The following STK3 variants were observed in gnomAD, a reference collection of about 807,000 sequenced individuals.
STK3 encodes the protein serine/threonine kinase 3.
Under a neutral mutation model 58.0 loss-of-function variants are expected in STK3, and 41 were observed. That is an observed-to-expected ratio of 0.71 (90% CI 0.55 to 0.92). STK3 has a LOEUF of 0.92. STK3 is among the 40% of genes least tolerant of loss of function. STK3 has a pLI of 0.00. For synonymous variants in STK3, 170 were observed against 191.0 expected (o/e 0.89, Z 0.91); for missense variants, 479 against 602.7 (o/e 0.79, Z 2.15).
At chr8:98,549,712 G>C (rs1380751890) in intron 8 of STK3, among the ~76,000 whole-genome samples, 1 of 151,568 alleles carries the variant, frequency 6.6e-6, no homozygotes, top group African/African-American at 2.4e-5. Flanking sequence ...AGATATACTG[G>C]AATAGGGTCA....
rs554266782 is a variant in STK3 at position 98,580,912 on chromosome 8, G to T, written c.823-1123C>A. Among the ~76,000 whole-genome samples the T allele has an allele frequency of 1.2e-4, 19 of 152,278 alleles. No homozygotes were observed. In the South Asian group the frequency reaches 3.3e-3, roughly 27 times the overall value. On this transcript the variant is annotated intron_variant, in intron 7 of 10. Coordinates refer to ENST00000419617, the MANE Select transcript of STK3 (RefSeq NM_006281.4). ...TATCATTTGGGACAACTATAAGAAAGAACTTTTTCAGAGTACAGAAATACT... is the reference window on the plus strand; with the variant it reads ...TATCATTTGGGACAACTATAAGAAATAACTTTTTCAGAGTACAGAAATACT...
intron 3 of STK3, among the ~76,000 whole-genome samples, chr8:98,831,901 C>G (rs1835544856): frequency 6.6e-6 from 1 of 152,196 alleles, no homozygotes; most frequent in Non-Finnish European, 1.5e-5. Context: ...AGGACAGTAT[C>G]TTCTTCCTAT....
At chr8:98,457,897 C>G (rs2131146744) in intron 10 of STK3, among the ~76,000 whole-genome samples, 1 of 152,212 alleles carries the variant, frequency 6.6e-6, no homozygotes, top group East Asian at 1.9e-4. Context: ...AGACTGAACT[C>G]AGAAAAAGAA....
At chr8:98,791,259 A>T (rs1271690418) in intron 1 of STK3, among the ~76,000 whole-genome samples, 1 of 152,220 alleles carries the variant, frequency 6.6e-6, no homozygotes, top group African/African-American at 2.4e-5. Context: ...AATACACCTA[A>T]CCAAGGAGGT....
At chr8:98,693,911 T>C (rs1307694224) in intron 6 of STK3, among the ~76,000 whole-genome samples, 1 of 152,214 alleles carries the variant, frequency 6.6e-6, no homozygotes, top group Non-Finnish European at 1.5e-5. Flanking sequence ...TTGGGTTTTT[T>C]TAAATATTAA....
At chr8:98,433,812 T>G (rs1818390208) in intron 3 of STK3, among the ~76,000 whole-genome samples, 1 of 152,236 alleles carries the variant, frequency 6.6e-6, no homozygotes, top group Admixed American at 6.5e-5. Flanking sequence ...GCAGGGACAA[T>G]GCAATCAGGA....
intron 6 of STK3, among the ~76,000 whole-genome samples, chr8:98,695,823 G>C (rs571838604): frequency 2.1e-4 from 32 of 152,216 alleles, no homozygotes; most frequent in Admixed American, 8.5e-4. Flanking sequence ...GTTCTTTTGG[G>C]TTAGGATTGA....
At chr8:98,451,033 T>C (rs1435922138), downstream of STK3, among the ~76,000 whole-genome samples, 30 of 152,170 alleles carry the variant, frequency 2.0e-4, no homozygotes, top group Admixed American at 2.0e-3. Context: ...CCTCCCTTTC[T>C]TTTTCACCAA....
intron 1 of STK3, among the ~76,000 whole-genome samples, chr8:98,903,558 T>TCTTCTTCTTC (rs1564093759): frequency 1.6e-4 from 11 of 68,816 alleles, no homozygotes; most frequent in African/African-American, 3.2e-4. Flanking sequence ...TTCTTCTTCC[T>TCTTCTTCTTC]TTTTTTTTTT....
At chr8:98,467,988 A>G (rs1468241988) in intron 10 of STK3, among the ~76,000 whole-genome samples, 5 of 152,228 alleles carry the variant, frequency 3.3e-5, no homozygotes, top group Non-Finnish European at 7.3e-5. Context: ...GTAGTTTTAA[A>G]ATGAAAGAGG....
intron 8 of STK3, among the ~76,000 whole-genome samples, chr8:98,550,279 T>C (rs1025115639): frequency 2.0e-5 from 3 of 152,138 alleles, no homozygotes; most frequent in Non-Finnish European, 4.4e-5. Context: ...TGCACTTCTT[T>C]CATGATCCTT....
At chr8:98,917,949 T>C (rs1356107847) in intron 1 of STK3, among the ~76,000 whole-genome samples, 1 of 152,180 alleles carries the variant, frequency 6.6e-6, no homozygotes, top group African/African-American at 2.4e-5. Flanking sequence ...CAATGCAACT[T>C]TGAGCAAGTG....
intron 4 of STK3, among the ~76,000 whole-genome samples, chr8:98,728,263 T>C (rs1827926434): frequency 6.6e-6 from 1 of 151,948 alleles, no homozygotes; most frequent in Admixed American, 6.6e-5. Flanking sequence ...TTATAAACAA[T>C]AAAAAAAGTT....
intron 1 of STK3, among the ~76,000 whole-genome samples, chr8:98,806,718 T>A (rs1833903819): frequency 6.6e-6 from 1 of 152,094 alleles, no homozygotes; most frequent in African/African-American, 2.4e-5. Flanking sequence ...AGATAATCTA[T>A]GTACTTCTCT....
intron 3 of STK3, among the ~76,000 whole-genome samples, chr8:98,416,306 T>C (rs982210878): frequency 6.6e-6 from 1 of 152,180 alleles, no homozygotes; most frequent in East Asian, 1.9e-4. Context: ...TTAATATTTA[T>C]ACCTTAAACT....
intron 4 of STK3, among the ~76,000 whole-genome samples, chr8:98,729,356 C>T (rs997610700): frequency 1.3e-5 from 2 of 152,152 alleles, no homozygotes; most frequent in African/African-American, 2.4e-5. Context: ...GTGATCTCCC[C>T]GCCTCAGCCT....
intron 7 of STK3, among the ~76,000 whole-genome samples, chr8:98,589,131 T>C (rs1814985329): frequency 1.3e-5 from 2 of 152,142 alleles, no homozygotes; most frequent in African/African-American, 4.8e-5. Flanking sequence ...CTTTGTTCCG[T>C]TGCTGGTGAG....
Position 98,574,298 on chromosome 8 carries a change from C to T in STK3, c.948+5366G>A, listed in dbSNP as rs1252036516. Among the ~76,000 whole-genome samples the T allele has an allele frequency of 8.5e-5, 13 of 152,300 alleles. No homozygotes were observed. In the East Asian group the frequency reaches 2.5e-3, roughly 29 times the overall value. On this transcript the variant is annotated intron_variant, in intron 8 of 10. Coordinates refer to ENST00000419617, the MANE Select transcript of STK3 (RefSeq NM_006281.4). ...CAATTAAACAAAAGAGGGACTGAGA[C>T]TTGTCGATTTTGTAAATCTCCAGCC... is the stretch of plus-strand genomic sequence containing the variant.
At chr8:98,671,631 G>GT (rs1183643190) in intron 6 of STK3, among the ~76,000 whole-genome samples, 1 of 151,822 alleles carries the variant, frequency 6.6e-6, no homozygotes, top group African/African-American at 2.4e-5. Flanking sequence ...ACCCAGGCTA[G>GT]AGTGCAGTGG....
Sources: gnomAD v4.1 joint callset for allele counts (sites outside exome capture counted in the v4.1 genomes callset) on GRCh38, gnomAD v4.1.1 for gene constraint, MANE v1.5 for transcripts, NCBI Gene and HGNC (gene_info 2026-07-23, HGNC 2026-07-21) for gene names.